DIS3L2: variants seen among roughly 807,000 people sequenced by gnomAD.
DIS3L2 encodes the protein DIS3-like exonuclease 2.
DIS3L2 carries 34 observed loss-of-function variants against 97.5 expected under a neutral mutation model. That is an observed-to-expected ratio of 0.35 (90% CI 0.27 to 0.46). DIS3L2 has a LOEUF of 0.46. Ranked by LOEUF, DIS3L2 falls within the 20% of genes least tolerant of loss-of-function variation. DIS3L2 has a pLI of 1.00. For missense variants in DIS3L2, 1,038 were observed against 1,146.0 expected (o/e 0.91, Z 1.36); for synonymous variants, 435 against 445.2 (o/e 0.98, Z 0.29).
At chr2:232,086,949 G>A (rs1184762695) in intron 5 of DIS3L2, among the ~76,000 whole-genome samples, 2 of 151,794 alleles carry the variant, frequency 1.3e-5, no homozygotes, top group East Asian at 1.9e-4. Flanking sequence ...CAAAAGTGCT[G>A]GGATTACAGG....
At chr2:232,330,361 G>T (rs192848703) in intron 15 of DIS3L2, among the ~76,000 whole-genome samples, 1 of 152,212 alleles carries the variant, frequency 6.6e-6, no homozygotes. Context: ...CCTGCCTGGG[G>T]CAAAGCTAAG....
intron 5 of DIS3L2, among the ~76,000 whole-genome samples, chr2:232,038,809 T>C (rs56150416): frequency 0.011 from 1,714 of 152,304 alleles, 19 homozygotes; most frequent in Non-Finnish European, 0.016. Flanking sequence ...CATTCTTGTT[T>C]CTGCCTTGGT....
chr2:231,962,369 A>G (rs1192500477), intron 1 of DIS3L2, among the ~76,000 whole-genome samples: 4 of 151,436 alleles, frequency 2.6e-5, no homozygotes, highest in African/African-American at 9.7e-5. Context: ...AGAACCCAGT[A>G]GGTAGTTTTT....
intron 8 of DIS3L2, among the ~76,000 whole-genome samples, chr2:232,159,566 C>T (rs1490857139): frequency 6.6e-6 from 1 of 152,224 alleles, no homozygotes; most frequent in African/African-American, 2.4e-5. Flanking sequence ...GTCCTTTGTC[C>T]TGCTTATAGG....
At chr2:232,028,036 C>T (rs1269258772) in intron 4 of DIS3L2, among the ~76,000 whole-genome samples, 1 of 152,148 alleles carries the variant, frequency 6.6e-6, no homozygotes, top group African/African-American at 2.4e-5. Flanking sequence ...TCATAGGAGG[C>T]ACCCTTTGTA....
chr2:232,337,268 C>A, downstream of DIS3L2: 1 of 908,424 alleles, frequency 1.1e-6, no homozygotes, highest in Non-Finnish European at 1.3e-6. Flanking sequence ...CCTGCCCCCA[C>A]TTCCTCTCTG....
At chr2:232,207,682 A>G (rs1692068752) in intron 9 of DIS3L2, among the ~76,000 whole-genome samples, 1 of 152,124 alleles carries the variant, frequency 6.6e-6, no homozygotes, top group Admixed American at 6.6e-5. Flanking sequence ...CTCCACCTGA[A>G]TGGCACCTAC....
intron 9 of DIS3L2, among the ~76,000 whole-genome samples, chr2:232,204,115 T>C (rs1305103746): frequency 2.0e-5 from 3 of 152,142 alleles, no homozygotes; most frequent in African/African-American, 4.8e-5. Context: ...ATCTGCGACC[T>C]TGGGGAGAAC....
intron 1 of DIS3L2, among the ~76,000 whole-genome samples, chr2:231,965,805 G>A (rs1175174921): frequency 1.3e-5 from 2 of 152,160 alleles, no homozygotes; most frequent in Non-Finnish European, 1.5e-5. Flanking sequence ...AAGATGCACA[G>A]GAAGAGAACA....
At chr2:232,275,197 T>C (rs564303005) in intron 13 of DIS3L2, among the ~76,000 whole-genome samples, 1 of 152,304 alleles carries the variant, frequency 6.6e-6, no homozygotes, top group South Asian at 2.1e-4. Context: ...TCCCCATCTC[T>C]CCCCTAGGTG....
chr2:232,266,423 A>C (rs1693859730), intron 13 of DIS3L2, among the ~76,000 whole-genome samples: 1 of 152,196 alleles, frequency 6.6e-6, no homozygotes, highest in Admixed American at 6.5e-5. Context: ...GACTTGAGAG[A>C]GAAAAACATT....
At chr2:232,203,109 T>C (rs1454005588) in intron 9 of DIS3L2, among the ~76,000 whole-genome samples, 1 of 152,210 alleles carries the variant, frequency 6.6e-6, no homozygotes, top group Non-Finnish European at 1.5e-5. Context: ...TTACATAAAA[T>C]TTGCTGATTT....
intron 5 of DIS3L2, among the ~76,000 whole-genome samples, chr2:232,062,362 G>C (rs544434981): frequency 6.6e-6 from 1 of 152,270 alleles, no homozygotes; most frequent in Admixed American, 6.5e-5. Context: ...GTGAATGTTT[G>C]AATTCACAGT....
intron 11 of DIS3L2, among the ~76,000 whole-genome samples, chr2:232,249,031 C>G (rs1431293636): frequency 1.3e-5 from 2 of 152,222 alleles, no homozygotes; most frequent in African/African-American, 2.4e-5. Context: ...GTTCTCCTCA[C>G]TTTCCCAGCT....
At chr2:231,970,282 C>T (rs1213672282) in intron 1 of DIS3L2, among the ~76,000 whole-genome samples, 5 of 152,078 alleles carry the variant, frequency 3.3e-5, no homozygotes, top group South Asian at 4.1e-4. Flanking sequence ...AATATCGCAT[C>T]GATTTTCAAA....
At chr2:232,334,066 C>T (rs1319105431) in intron 17 of DIS3L2, 79 bp downstream of exon 17, 8 of 1,522,834 alleles carry the variant, frequency 5.3e-6, no homozygotes. Context: ...CTCAGTGGCC[C>T]AAGACCATTC....
chr2:232,141,769 G>T (rs192292814), intron 8 of DIS3L2, among the ~76,000 whole-genome samples: 3 of 152,272 alleles, frequency 2.0e-5, no homozygotes, highest in African/African-American at 4.8e-5. Context: ...ACCTTGTGGT[G>T]GTTGTTAGCC....
intron 14 of DIS3L2, among the ~76,000 whole-genome samples, chr2:232,326,773 C>A (rs1695589153): frequency 6.7e-6 from 1 of 148,970 alleles, no homozygotes; most frequent in Non-Finnish European, 1.5e-5. Flanking sequence ...GCTGAGACGG[C>A]AAGGGAAGCA....
At chr2:232,015,922 A>G (rs958856681) in intron 3 of DIS3L2, 2 of 342,366 alleles carry the variant, frequency 5.8e-6, no homozygotes, top group East Asian at 4.9e-5. Flanking sequence ...GGGAACCACT[A>G]TTTCCCATTA....
Sources: gnomAD v4.1 joint callset for allele counts (sites outside exome capture counted in the v4.1 genomes callset) on GRCh38, gnomAD v4.1.1 for gene constraint, MANE v1.5 for transcripts, NCBI Gene and HGNC (gene_info 2026-07-23, HGNC 2026-07-21) for gene names.